The following DOP1B variants were observed in gnomAD, a reference collection of about 807,000 sequenced individuals.
DOP1B encodes protein DOP1B.
DOP1B carries 174 observed loss-of-function variants against 233.5 expected under a neutral mutation model. The ratio of observed to expected loss-of-function variants is 0.75; its 90% CI spans 0.66 to 0.85. DOP1B has a LOEUF of 0.85. Among genes scored for constraint, DOP1B ranks in the 40% least tolerant of loss-of-function variants. The pLI, the probability that DOP1B is intolerant of heterozygous loss-of-function variation, is 0.00. For synonymous variants in DOP1B, 1,190 were observed against 1,185.6 expected, an observed-to-expected ratio of 1.00 and a Z score of -0.08; for missense variants, 2,652 against 2,846.6, an observed-to-expected ratio of 0.93 and a Z score of 1.56.
intron 17 of DOP1B, among the ~76,000 whole-genome samples, 172 bp from the exon 18 acceptor site, chr21:36,239,593 C>T (rs2066868421): frequency 6.6e-6 from 1 of 152,176 alleles, no homozygotes; most frequent in Non-Finnish European, 1.5e-5. Context: ...GATTCCAACG[C>T]GAAACCAAAG....
chr21:36,163,762 C>T (rs2065887410), intron 1 of DOP1B, among the ~76,000 whole-genome samples: 1 of 152,178 alleles, frequency 6.6e-6, no homozygotes, highest in African/African-American at 2.4e-5. Context: ...GTGCAGAAAA[C>T]ATACACCAGA....
chr21:36,203,812 T>G (rs571794115), intron 4 of DOP1B, among the ~76,000 whole-genome samples: 1 of 152,050 alleles, frequency 6.6e-6, no homozygotes, highest in East Asian at 1.9e-4. Flanking sequence ...TTAGAACTTA[T>G]TATCCACCCT....
chr21:36,286,656 A>G (rs1364295736), intron 32 of DOP1B, among the ~76,000 whole-genome samples: 1 of 150,288 alleles, frequency 6.7e-6, no homozygotes, highest in African/African-American at 2.5e-5. Context: ...ACACACACAC[A>G]CACACACACA....
chr21:36,215,391 A>G (rs1025544682), intron 9 of DOP1B, among the ~76,000 whole-genome samples: 3 of 151,742 alleles, frequency 2.0e-5, no homozygotes, highest in Admixed American at 6.6e-5. Flanking sequence ...TTATTTATTT[A>G]TGAATGAATG....
At chr21:36,208,611 A>C in intron 4 of DOP1B, 104 bp from the exon 5 acceptor site, 1 of 1,259,110 alleles carries the variant, frequency 7.9e-7, no homozygotes, top group Non-Finnish European at 1.1e-6. Flanking sequence ...TTCCCCAGCC[A>C]GGCGAATCCG....
chr21:36,193,122 T>G (rs543747957), intron 2 of DOP1B, among the ~76,000 whole-genome samples: 1 of 152,330 alleles, frequency 6.6e-6, no homozygotes, highest in East Asian at 1.9e-4. Flanking sequence ...AGAACAGTGT[T>G]GAAGGGGTGA....
Position 36,227,795 on chromosome 21 carries a change from C to G in DOP1B, c.1583C>G (p.Ala528Gly). The change falls in exon 13 of 37, where the codon GCC (alanine) becomes GGC (glycine). Residue 528 changes from alanine to glycine, a missense_variant. Physicochemically the swap from Ala to Gly is moderately conservative, Grantham distance 60. This residue lies in a region of DOP1B where 2,617 missense variants were observed against 2,794.3 expected (regional missense o/e 0.94). Coordinates refer to ENST00000691173, the MANE Select transcript of DOP1B (RefSeq NM_001320714.2). ...TTAAGTTTACCTGAACTCACGCATGCCTTGAAGACGTGTTTCAAGGTGCTC... is the reference window on the plus strand; with the variant it reads ...TTAAGTTTACCTGAACTCACGCATGGCTTGAAGACGTGTTTCAAGGTGCTC... ...EALSLPELTH[A>G]LKTCFKVLSK... is the part of the protein sequence containing the mutation. The G allele has an allele frequency of 6.2e-7, 1 of 1,613,810 alleles. No individual in the cohort carries two copies. Among genetic ancestry groups the G allele is most frequent in the Non-Finnish European group, 8.5e-7 (1 of 1,179,810 alleles).
At position 36,280,980 on chromosome 21, in the gene DOP1B, C is replaced by T. The variant is rs531030775; in HGVS notation, c.6032-503C>T. 9.2e-5 allele frequency among the ~76,000 whole-genome samples: 14 copies of T among 151,390 alleles called. No individual in the cohort carries two copies. In the East Asian group the frequency reaches 1.6e-3, roughly 17 times the overall value. The stretch of plus-strand genomic sequence containing the variant: ...TCGTGCCACTGCACTCCAGCCTGGG[C>T]GACAGAGCGAAAATCCTTCTCAAAA... On this transcript the variant is annotated intron_variant, in intron 31 of 36. Coordinates refer to ENST00000691173, the MANE Select transcript of DOP1B (RefSeq NM_001320714.2).
intron 9 of DOP1B, 64 bp from the exon 10 acceptor site, chr21:36,219,308 A>G (rs1445845632): frequency 5.0e-6 from 8 of 1,600,860 alleles, no homozygotes; most frequent in East Asian, 2.2e-5. Flanking sequence ...GTATATACAT[A>G]TGTCACTTAC....
intron 9 of DOP1B, among the ~76,000 whole-genome samples, chr21:36,218,495 C>T (rs2066586223): frequency 6.6e-6 from 1 of 151,998 alleles, no homozygotes; most frequent in Non-Finnish European, 1.5e-5. Flanking sequence ...TGCACTCCAG[C>T]CTGGGCAACA....
intron 4 of DOP1B, among the ~76,000 whole-genome samples, chr21:36,208,073 C>G (rs746330020): frequency 1.3e-5 from 2 of 152,304 alleles, no homozygotes; most frequent in Non-Finnish European, 2.9e-5. Flanking sequence ...AACAAATGCC[C>G]GGCCTCAGCA....
At chr21:36,225,873 TGG>T (rs1490296205) in intron 12 of DOP1B, among the ~76,000 whole-genome samples, 1 of 152,198 alleles carries the variant, frequency 6.6e-6, no homozygotes, top group Non-Finnish European at 1.5e-5. Context: ...CTATAACTTT[TGG>T]GCCAGTTGTA....
intron 9 of DOP1B, among the ~76,000 whole-genome samples, chr21:36,217,074 C>CAA (rs11353414): frequency 6.0e-5 from 6 of 99,986 alleles, no homozygotes; most frequent in East Asian, 3.2e-4. Flanking sequence ...GACTCCATCT[C>CAA]AAAAAAAAAA....
intron 4 of DOP1B, 121 bp from the exon 5 acceptor site, chr21:36,208,594 G>C: frequency 9.5e-7 from 1 of 1,050,952 alleles, no homozygotes; most frequent in Non-Finnish European, 1.3e-6. Context: ...GATGAGGAAG[G>C]TGGGGCTTCC....
At chr21:36,288,614 G>C in intron 33 of DOP1B, 142 bp from the exon 34 acceptor site, 1 of 647,066 alleles carries the variant, frequency 1.5e-6, no homozygotes, top group Non-Finnish European at 2.7e-6. Context: ...TTGTACCACT[G>C]CACTCCAGAC....
At chr21:36,193,324 C>T (rs946416522) in intron 2 of DOP1B, among the ~76,000 whole-genome samples, 3 of 152,264 alleles carry the variant, frequency 2.0e-5, no homozygotes, top group Non-Finnish European at 2.9e-5. Context: ...GTGACAGTCG[C>T]GTAGAATGAC....
At chr21:36,243,107 G>C (rs1813219014) in intron 18 of DOP1B, among the ~76,000 whole-genome samples, 1 of 151,760 alleles carries the variant, frequency 6.6e-6, no homozygotes, top group Admixed American at 6.6e-5. Context: ...AGACTCCTGA[G>C]TAGCTGGCAT....
chr21:36,197,628 GA>G (rs1171541943), intron 2 of DOP1B, among the ~76,000 whole-genome samples: 1 of 152,226 alleles, frequency 6.6e-6, no homozygotes, highest in Non-Finnish European at 1.5e-5. Context: ...AATCACACGT[GA>G]GGAAGAGTTA....
chr21:36,181,644 C>T (rs1883180097), intron 2 of DOP1B, among the ~76,000 whole-genome samples: 2 of 152,168 alleles, frequency 1.3e-5, no homozygotes, highest in African/African-American at 4.8e-5. Context: ...TTCTGTCCCA[C>T]AGGAAAAGGG....
Sources: allele counts gnomAD v4.1 joint callset (sites outside exome capture counted in the v4.1 genomes callset), GRCh38; gene constraint gnomAD v4.1.1; regional missense constraint gnomAD v4.1.1; transcripts MANE v1.5; gene names NCBI Gene and HGNC (gene_info 2026-07-23, HGNC 2026-07-21).